MAGI2: variants seen among roughly 807,000 people sequenced by gnomAD.
MAGI2 encodes the protein membrane-associated guanylate kinase, WW and PDZ domain-containing protein 2.
Under a neutral mutation model 133.3 loss-of-function variants are expected in MAGI2, and 35 were observed. The ratio of observed to expected loss-of-function variants is 0.26; its 90% CI spans 0.20 to 0.35. MAGI2 has a LOEUF of 0.35. Among genes scored for constraint, MAGI2 ranks in the 10% least tolerant of loss-of-function variants. The pLI is 1.00. For synonymous variants in MAGI2, 729 were observed against 710.6 expected, an observed-to-expected ratio of 1.03 and a Z score of -0.41; for missense variants, 1,636 against 1,863.4, an observed-to-expected ratio of 0.88 and a Z score of 2.25.
Position 78,270,641 on chromosome 7 carries a change from A to G in MAGI2, c.1409-14060T>C, listed in dbSNP as rs189772742. Among the ~76,000 whole-genome samples the G allele has an allele frequency of 2.9e-3, 449 of 152,256 alleles. 2 individuals carry two copies. Among genetic ancestry groups the G allele is most frequent in the African/African-American group, 0.01 (418 of 41,526 alleles). ...TCCTGAGACTTTGCTGAAGTTGCCTATCAGCTTAAGGAGATTTGGGGCTGA... is the reference window on the plus strand; with the variant it reads ...TCCTGAGACTTTGCTGAAGTTGCCTGTCAGCTTAAGGAGATTTGGGGCTGA... On this transcript the variant is annotated intron_variant, in intron 9 of 21. Transcript: ENST00000354212.
At chr7:78,621,406 A>G in intron 3 of MAGI2, 1 of 152,034 alleles carries the variant, frequency 6.6e-6, no homozygotes, top group Non-Finnish European at 1.5e-5. Flanking sequence ...TATTAACAAT[A>G]AAATTCGTCA....
chr7:79,447,904 T>C (rs548448701), intron 1 of MAGI2, among the ~76,000 whole-genome samples: 8 of 152,108 alleles, frequency 5.3e-5, no homozygotes, highest in African/African-American at 1.9e-4. Flanking sequence ...CTTTTATTAT[T>C]GTTATTCTTT....
At chr7:79,337,930 A>G (rs943709748) in intron 1 of MAGI2, among the ~76,000 whole-genome samples, 1 of 152,100 alleles carries the variant, frequency 6.6e-6, no homozygotes, top group African/African-American at 2.4e-5. Context: ...CTGCATGCAA[A>G]TGAGTAAAGC....
rs1309114750 is a variant in MAGI2, at chr7:78,161,870, G to A, written c.2597-1597C>T. ...TCACGTTTAAATAAAGGAAAAGATG[G>A]ATGCTTTTTGTAAGAAATGTACCGA... On this transcript the variant is annotated intron_variant, in intron 15 of 21. Transcript: ENST00000354212. Among the ~76,000 whole-genome samples the A allele has an allele frequency of 2.6e-5, 4 of 152,096 alleles. No homozygotes were observed. The South Asian group carries it at 8.3e-4, about 32-fold the overall frequency.
chr7:78,288,375 C>G (rs139119675), intron 9 of MAGI2, among the ~76,000 whole-genome samples: 1 of 152,144 alleles, frequency 6.6e-6, no homozygotes, highest in African/African-American at 2.4e-5. Flanking sequence ...AACAGTAATT[C>G]AAAATTAAAG....
chr7:78,101,927 A>G (rs1020718599), intron 20 of MAGI2, among the ~76,000 whole-genome samples: 1 of 152,214 alleles, frequency 6.6e-6, no homozygotes, highest in Non-Finnish European at 1.5e-5. Flanking sequence ...TCATTGCACC[A>G]TATTCACAAT....
chr7:78,182,810 C>T (rs1827308700), intron 13 of MAGI2, among the ~76,000 whole-genome samples: 1 of 152,208 alleles, frequency 6.6e-6, no homozygotes, highest in Admixed American at 6.5e-5. Context: ...TGTGACACCC[C>T]ATTTCCTGGC....
At chr7:78,424,013 G>A (rs988058644) in intron 6 of MAGI2, among the ~76,000 whole-genome samples, 2 of 152,184 alleles carry the variant, frequency 1.3e-5, no homozygotes, top group Non-Finnish European at 2.9e-5. Flanking sequence ...AAATAACAAG[G>A]AGCTGAATGT....
At chr7:78,591,578 A>G (rs1244995165) in intron 3 of MAGI2, among the ~76,000 whole-genome samples, 1 of 152,240 alleles carries the variant, frequency 6.6e-6, no homozygotes, top group Non-Finnish European at 1.5e-5. Flanking sequence ...AGCTAAGGAA[A>G]CAAGCAAATA....
chr7:79,399,090 C>CTTTTTTTTTTTTTTTTTTTT (rs1337058211), intron 1 of MAGI2, among the ~76,000 whole-genome samples: 15 of 101,460 alleles, frequency 1.5e-4, no homozygotes, highest in African/African-American at 7.1e-4. Flanking sequence ...TTTTTTTTTT[C>CTTTTTTTTTTTTTTTTTTTT]TTTTCTTTTT....
Position 78,256,398 on chromosome 7 carries a change from T to C in MAGI2, c.1592A>G (p.Glu531Gly), listed in dbSNP as rs1254127596. Residue 531 changes from glutamate to glycine, a missense_variant, in exon 10 of 22, where the codon GAG (glutamate) becomes GGG (glycine). This residue lies in a region of MAGI2 where 920 missense variants were observed against 1,093.5 expected (regional missense o/e 0.84). Coordinates refer to ENST00000354212, the MANE Select transcript of MAGI2 (RefSeq NM_012301.4). ...NSMVPPLAIMERPPPVMVNGR... is the reference protein window; with the variant it reads ...NSMVPPLAIMGRPPPVMVNGR... Reference sequence around the variant, plus strand: ...ATTGACCATCACTGGAGGTGGCCTCTCCATTATTGCAAGGGGTGGCACCAT... The same window carrying C: ...ATTGACCATCACTGGAGGTGGCCTCCCCATTATTGCAAGGGGTGGCACCAT... 6 of 1,613,828 alleles carry C rather than the reference T, an allele frequency of 3.7e-6. No individual in the cohort carries two copies. The highest frequency in any genetic ancestry group is 1.7e-5 in the Admixed American group (1 of 59,980).
chr7:78,327,811 T>C (rs1248151564), intron 9 of MAGI2, among the ~76,000 whole-genome samples: 1 of 152,144 alleles, frequency 6.6e-6, no homozygotes, highest in Non-Finnish European at 1.5e-5. Context: ...CAGAACAAGA[T>C]TAGTCGATGA....
At chr7:79,375,288 A>T (rs1484764595) in intron 1 of MAGI2, among the ~76,000 whole-genome samples, 1 of 151,898 alleles carries the variant, frequency 6.6e-6, no homozygotes, top group South Asian at 2.1e-4. Context: ...AGGTCTCTAG[A>T]TTGTGCATTC....
intron 6 of MAGI2, chr7:78,456,993 C>T (rs1202510775): frequency 3.3e-5 from 5 of 152,154 alleles, no homozygotes; most frequent in Admixed American, 6.5e-5. Flanking sequence ...ATCTGCAAGT[C>T]GGTGCAAAAG....
At chr7:79,353,338 A>G (rs1201419964) in intron 1 of MAGI2, 7 of 406,740 alleles carry the variant, frequency 1.7e-5, no homozygotes, top group South Asian at 9.0e-5. Flanking sequence ...ACTGTCTGTG[A>G]CCACTTTCTC....
At chr7:78,225,770 G>C (rs796605310) in intron 10 of MAGI2, among the ~76,000 whole-genome samples, 8 of 152,296 alleles carry the variant, frequency 5.3e-5, no homozygotes, top group African/African-American at 1.7e-4. Context: ...AGCATTCTGC[G>C]CATGGGCTTC....
At chr7:78,158,375 C>A (rs1429558876) in intron 16 of MAGI2, 1 of 152,140 alleles carries the variant, frequency 6.6e-6, no homozygotes, top group Non-Finnish European at 1.5e-5. Flanking sequence ...GAAAAACAAC[C>A]AAGGAAGCCT....
At chr7:78,415,792 C>A (rs1454947943) in intron 6 of MAGI2, among the ~76,000 whole-genome samples, 1 of 152,108 alleles carries the variant, frequency 6.6e-6, no homozygotes, top group African/African-American at 2.4e-5. Flanking sequence ...AGCAGATATT[C>A]TGTCAGACCT....
chr7:78,950,341 C>T (rs1801766157), intron 2 of MAGI2, among the ~76,000 whole-genome samples: 1 of 152,126 alleles, frequency 6.6e-6, no homozygotes, highest in Non-Finnish European at 1.5e-5. Context: ...ACTGAACTAG[C>T]TTACATTGCT....
Sources: allele counts gnomAD v4.1 joint callset (sites outside exome capture counted in the v4.1 genomes callset), GRCh38; gene constraint gnomAD v4.1.1; regional missense constraint gnomAD v4.1.1; transcripts MANE v1.5; gene names NCBI Gene and HGNC (gene_info 2026-07-23, HGNC 2026-07-21).